SLC39A11: variants seen among roughly 807,000 people sequenced by gnomAD.
SLC39A11 encodes the protein solute carrier family 39 member 11.
Under a neutral mutation model 36.1 loss-of-function variants are expected in SLC39A11, and 33 were observed. The observed-to-expected ratio is 0.91, with a 90% CI of 0.69 to 1.22. The LOEUF (loss-of-function observed/expected upper bound fraction) is 1.22. Among genes scored for constraint, SLC39A11 ranks in the 50% most tolerant of loss-of-function variants. The pLI, the probability that SLC39A11 is intolerant of heterozygous loss-of-function variation, is 0.00. For synonymous variants in SLC39A11, 166 were observed against 170.3 expected (o/e 0.97, Z 0.20); for missense variants, 432 against 430.3 (o/e 1.00, Z -0.03).
At chr17:72,921,044 C>A (rs1014791946) in intron 5 of SLC39A11, among the ~76,000 whole-genome samples, 1 of 152,128 alleles carries the variant, frequency 6.6e-6, no homozygotes, top group Admixed American at 6.5e-5. Flanking sequence ...TGTTCTTATT[C>A]TTGCATTTGT....
At chr17:72,782,626 T>G (rs1286562551) in intron 6 of SLC39A11, among the ~76,000 whole-genome samples, 2 of 145,474 alleles carry the variant, frequency 1.4e-5, no homozygotes, top group Non-Finnish European at 3.0e-5. Flanking sequence ...AGATGGAGGT[T>G]GTAATGAGCT....
At chr17:72,891,273 T>C (rs996134043) in intron 5 of SLC39A11, among the ~76,000 whole-genome samples, 3 of 151,894 alleles carry the variant, frequency 2.0e-5, no homozygotes, top group African/African-American at 7.3e-5. Context: ...AATACAAAAT[T>C]AGCTGGGCGT....
intron 3 of SLC39A11, among the ~76,000 whole-genome samples, chr17:73,037,238 A>C (rs1332096623): frequency 6.6e-6 from 1 of 152,200 alleles, no homozygotes; most frequent in Non-Finnish European, 1.5e-5. Context: ...TCATTTCGGT[A>C]AATAAGGGCC....
At chr17:72,962,499 C>T (rs1198736141) in intron 4 of SLC39A11, among the ~76,000 whole-genome samples, 12 of 152,170 alleles carry the variant, frequency 7.9e-5, no homozygotes, top group Admixed American at 7.9e-4. Context: ...TGACCTCTCT[C>T]TGTTCCTAGA....
At chr17:72,948,243 C>G (rs1291105754) in intron 4 of SLC39A11, among the ~76,000 whole-genome samples, 1 of 150,332 alleles carries the variant, frequency 6.7e-6, no homozygotes, top group Non-Finnish European at 1.5e-5. Flanking sequence ...CTCACACACA[C>G]AAAACCCCAC....
chr17:72,871,357 C>T (rs937492526), intron 5 of SLC39A11, among the ~76,000 whole-genome samples: 4 of 152,114 alleles, frequency 2.6e-5, no homozygotes, highest in African/African-American at 7.2e-5. Context: ...CCACTGCACC[C>T]GGCCTATAAC....
At chr17:72,709,080 C>T (rs996737222) in intron 7 of SLC39A11, among the ~76,000 whole-genome samples, 1 of 151,964 alleles carries the variant, frequency 6.6e-6, no homozygotes, top group Admixed American at 6.6e-5. Context: ...GGACTACAGG[C>T]GCCTGCCACC....
intron 7 of SLC39A11, among the ~76,000 whole-genome samples, chr17:72,695,946 ACTTCTGCTGTT>A (rs1398009341): frequency 6.6e-6 from 1 of 152,196 alleles, no homozygotes; most frequent in African/African-American, 2.4e-5. Context: ...GAGAGAATCA[ACTTCTGCTGTT>A]CTAAGCCACC....
chr17:72,822,431 T>A (rs2077833176), intron 6 of SLC39A11, among the ~76,000 whole-genome samples: 1 of 150,684 alleles, frequency 6.6e-6, no homozygotes, highest in South Asian at 2.1e-4. Context: ...TCTAGACATA[T>A]GACATATAAG....
At chr17:72,700,219 T>A (rs7359585) in intron 7 of SLC39A11, among the ~76,000 whole-genome samples, 1 of 152,058 alleles carries the variant, frequency 6.6e-6, no homozygotes, top group Non-Finnish European at 1.5e-5. Flanking sequence ...CTTGTTCTAC[T>A]GCATTCTACC....
At chr17:73,030,239 C>T (rs2058696742) in intron 4 of SLC39A11, among the ~76,000 whole-genome samples, 1 of 152,208 alleles carries the variant, frequency 6.6e-6, no homozygotes, top group African/African-American at 2.4e-5. Flanking sequence ...AGCCATTGAC[C>T]AGTAGCGGTC....
intron 3 of SLC39A11, among the ~76,000 whole-genome samples, chr17:73,051,368 G>C (rs10468447): frequency 0.11 from 16,496 of 152,106 alleles, 1,122 homozygotes; most frequent in East Asian, 0.18. Context: ...ACCTGTGAAG[G>C]TCACATTCAC....
intron 6 of SLC39A11, among the ~76,000 whole-genome samples, chr17:72,783,004 CAAAAAAA>C (rs34750819): frequency 3.5e-4 from 28 of 80,994 alleles, no homozygotes; most frequent in South Asian, 2.5e-3. Flanking sequence ...TCTGTCTCAA[CAAAAAAA>C]AAAAAAAAAA....
At chr17:73,005,792 C>T (rs2090143213) in intron 4 of SLC39A11, among the ~76,000 whole-genome samples, 1 of 150,428 alleles carries the variant, frequency 6.6e-6, no homozygotes, top group African/African-American at 2.4e-5. Context: ...ACTAAAAATA[C>T]CAAAAAATAT....
At chr17:72,852,091 T>C (rs1442580360) in intron 5 of SLC39A11, among the ~76,000 whole-genome samples, 4 of 149,844 alleles carry the variant, frequency 2.7e-5, no homozygotes, top group Non-Finnish European at 5.9e-5. Flanking sequence ...GTCCCAGCTA[T>C]TCGGGAGGCT....
chr17:73,049,633 G>A (rs2059429222), intron 3 of SLC39A11, among the ~76,000 whole-genome samples: 1 of 152,240 alleles, frequency 6.6e-6, no homozygotes, highest in Non-Finnish European at 1.5e-5. Context: ...TTAGGAAGAT[G>A]ATGCTGAGGG....
At chr17:73,007,087 C>T (rs12452711) in intron 4 of SLC39A11, among the ~76,000 whole-genome samples, 79,632 of 152,042 alleles carry the variant, frequency 0.52, 24,600 homozygotes, top group Middle Eastern at 0.69. Flanking sequence ...TAAGCAACCA[C>T]GCAGCACGGC....
intron 3 of SLC39A11, among the ~76,000 whole-genome samples, chr17:73,040,036 C>G (rs756830576): frequency 6.6e-5 from 10 of 152,166 alleles, no homozygotes; most frequent in African/African-American, 2.2e-4. Context: ...AGCTGAAGTC[C>G]GAGATGAATC....
intron 4 of SLC39A11, among the ~76,000 whole-genome samples, chr17:72,971,964 T>C (rs2087491492): frequency 6.6e-6 from 1 of 152,178 alleles, no homozygotes; most frequent in African/African-American, 2.4e-5. Context: ...ACAGTGTGTG[T>C]GAAGTTTCCA....
Sources: gnomAD v4.1 joint callset for allele counts (sites outside exome capture counted in the v4.1 genomes callset) on GRCh38, gnomAD v4.1.1 for gene constraint, MANE v1.5 for transcripts, NCBI Gene and HGNC (gene_info 2026-07-23, HGNC 2026-07-21) for gene names.